Variants in RABGAP1L observed in about 807,000 individuals in gnomAD.
RABGAP1L encodes rab GTPase-activating protein 1-like.
Under a neutral mutation model 137.7 loss-of-function variants are expected in RABGAP1L, and 63 were observed. The ratio of observed to expected loss-of-function variants is 0.46; its 90% confidence interval spans 0.37 to 0.56. The LOEUF (loss-of-function observed/expected upper bound fraction) is 0.56, where lower values mean the gene tolerates loss of function less well. Ranked by LOEUF, RABGAP1L falls within the 20% of genes least tolerant of loss-of-function variation. The pLI, the probability that RABGAP1L is intolerant of heterozygous loss-of-function variation, is 0.00. For missense variants in RABGAP1L, 1,095 were observed against 1,244.0 expected, an observed-to-expected ratio of 0.88 and a Z score of 1.80; for synonymous variants, 431 against 433.7, an observed-to-expected ratio of 0.99 and a Z score of 0.08.
intron 1 of RABGAP1L, among the ~76,000 whole-genome samples, chr1:174,216,129 T>C (rs1669301397): frequency 6.6e-6 from 1 of 152,104 alleles, no homozygotes; most frequent in South Asian, 2.1e-4. Context: ...AGAACAATGA[T>C]TACCAGAAGC....
intron 19 of RABGAP1L, among the ~76,000 whole-genome samples, chr1:174,873,739 G>T (rs1328778630): frequency 6.6e-6 from 1 of 152,016 alleles, no homozygotes; most frequent in African/African-American, 2.4e-5. Context: ...TCGAACTCCT[G>T]ACCTTGTGAT....
chr1:174,953,050 A>AG (rs1667973521), intron 19 of RABGAP1L, among the ~76,000 whole-genome samples: 1 of 151,330 alleles, frequency 6.6e-6, no homozygotes, highest in South Asian at 2.1e-4. Flanking sequence ...AAAAAAAAAA[A>AG]AAGAACTAAT....
At chr1:174,608,459 G>C (rs1281962223) in intron 13 of RABGAP1L, among the ~76,000 whole-genome samples, 2 of 152,150 alleles carry the variant, frequency 1.3e-5, no homozygotes, top group South Asian at 2.1e-4. Flanking sequence ...TGGTATTACA[G>C]TAAGTAACAT....
At chr1:174,324,287 T>G (rs2148837603) in intron 11 of RABGAP1L, among the ~76,000 whole-genome samples, 1 of 152,046 alleles carries the variant, frequency 6.6e-6, no homozygotes, top group East Asian at 1.9e-4. Context: ...GAGATAAAAT[T>G]AGTGAGGCTT....
At chr1:174,326,138 G>A (rs1680420102) in intron 11 of RABGAP1L, among the ~76,000 whole-genome samples, 1 of 152,166 alleles carries the variant, frequency 6.6e-6, no homozygotes, top group African/African-American at 2.4e-5. Context: ...ATTTGTTAAT[G>A]AGTAGACAGA....
At chr1:174,508,859 A>T (rs1053490048) in intron 13 of RABGAP1L, among the ~76,000 whole-genome samples, 3 of 152,060 alleles carry the variant, frequency 2.0e-5, no homozygotes, top group Non-Finnish European at 4.4e-5. Context: ...TGCCTATTTT[A>T]TTGTTTCTGT....
chr1:174,159,949 T>G (rs1376692373), intron 1 of RABGAP1L: 4 of 152,280 alleles, frequency 2.6e-5, no homozygotes, highest in East Asian at 1.9e-4. Flanking sequence ...GGCGGCCGCC[T>G]CCTCCAGCTG....
chr1:174,644,622 AT>A (rs746968264), intron 14 of RABGAP1L, among the ~76,000 whole-genome samples: 2 of 151,858 alleles, frequency 1.3e-5, no homozygotes, highest in Non-Finnish European at 2.9e-5. Flanking sequence ...CTGAATTATG[AT>A]TTTTTTTCAT....
At chr1:174,633,810 C>T (rs1489624894) in intron 13 of RABGAP1L, among the ~76,000 whole-genome samples, 3 of 135,360 alleles carry the variant, frequency 2.2e-5, no homozygotes, top group East Asian at 2.1e-4. Context: ...ATAAATGGTG[C>T]TGGGAAAACT....
At chr1:174,873,517 T>G (rs961057541) in intron 19 of RABGAP1L, among the ~76,000 whole-genome samples, 11 of 151,506 alleles carry the variant, frequency 7.3e-5, no homozygotes, top group Non-Finnish European at 1.5e-4. Flanking sequence ...ATAATTTTTT[T>G]TTTTTTTTTT....
chr1:174,343,262 T>G (rs565763570), intron 11 of RABGAP1L, among the ~76,000 whole-genome samples: 5 of 152,316 alleles, frequency 3.3e-5, no homozygotes, highest in African/African-American at 1.2e-4. Context: ...TTTCCTGCTA[T>G]TACAAATATA....
chr1:174,778,857 G>C (rs1387406412), intron 18 of RABGAP1L, among the ~76,000 whole-genome samples: 1 of 152,096 alleles, frequency 6.6e-6, no homozygotes, highest in Non-Finnish European at 1.5e-5. Flanking sequence ...GCCTCCCAAA[G>C]TGCTGGGATT....
At chr1:174,348,233 A>G (rs138318430) in intron 11 of RABGAP1L, among the ~76,000 whole-genome samples, 146 of 150,592 alleles carry the variant, frequency 9.7e-4, no homozygotes, top group East Asian at 9.6e-3. Context: ...TTTTAAACTG[A>G]TGACAGCTTA....
At chr1:174,298,328 T>C (rs144803474) in intron 10 of RABGAP1L, among the ~76,000 whole-genome samples, 56 of 152,276 alleles carry the variant, frequency 3.7e-4, no homozygotes, top group African/African-American at 1.3e-3. Flanking sequence ...GACCTGAGAA[T>C]TGGAATTATC....
intron 1 of RABGAP1L, among the ~76,000 whole-genome samples, chr1:174,171,654 CT>C (rs1159529950): frequency 9.9e-5 from 15 of 150,992 alleles, no homozygotes; most frequent in Non-Finnish European, 2.1e-4. Flanking sequence ...CTCCTTTCCC[CT>C]GGTAACTGTG....
At chr1:174,516,762 A>G (rs1444716796) in intron 13 of RABGAP1L, among the ~76,000 whole-genome samples, 3 of 152,006 alleles carry the variant, frequency 2.0e-5, no homozygotes, top group Non-Finnish European at 4.4e-5. Context: ...GTTAAGTGGC[A>G]GAGCTGAGAG....
At chr1:174,886,614 A>G (rs1156677397) in intron 19 of RABGAP1L, among the ~76,000 whole-genome samples, 2 of 152,196 alleles carry the variant, frequency 1.3e-5, no homozygotes, top group Non-Finnish European at 2.9e-5. Flanking sequence ...TAAAACTTCC[A>G]TTATCAATTT....
intron 13 of RABGAP1L, among the ~76,000 whole-genome samples, chr1:174,544,001 G>A (rs1017070697): frequency 2.6e-5 from 4 of 152,122 alleles, no homozygotes; most frequent in East Asian, 3.8e-4. Flanking sequence ...TGGGTAACTC[G>A]ACCTTTCTCT....
At chr1:174,259,634 A>C (rs1265191542) in intron 7 of RABGAP1L, among the ~76,000 whole-genome samples, 1 of 152,194 alleles carries the variant, frequency 6.6e-6, no homozygotes, top group African/African-American at 2.4e-5. Flanking sequence ...AGAATGTATG[A>C]AAACTGTTCT....
Sources: gnomAD v4.1 joint callset for allele counts (sites outside exome capture counted in the v4.1 genomes callset) on GRCh38, gnomAD v4.1.1 for gene constraint, MANE v1.5 for transcripts, NCBI Gene and HGNC (gene_info 2026-07-23, HGNC 2026-07-21) for gene names.